The following PARD3B variants were observed in gnomAD, a reference collection of about 807,000 sequenced individuals.
The protein encoded by PARD3B is partitioning defective 3 homolog B.
Under a neutral mutation model 130.2 loss-of-function variants are expected in PARD3B, and 103 were observed. The observed-to-expected ratio is 0.79, with a 90% CI of 0.67 to 0.93. The LOEUF (loss-of-function observed/expected upper bound fraction) is 0.93, where lower values mean the gene tolerates loss of function less well. Among genes scored for constraint, PARD3B ranks in the 40% least tolerant of loss-of-function variants. The pLI is 0.00. For missense variants in PARD3B, 1,609 were observed against 1,499.2 expected, an observed-to-expected ratio of 1.07 and a Z score of -1.21; for synonymous variants, 583 against 553.2, an observed-to-expected ratio of 1.05 and a Z score of -0.76.
At chr2:204,934,867 C>A (rs1036379740) in intron 2 of PARD3B, among the ~76,000 whole-genome samples, 1 of 152,110 alleles carries the variant, frequency 6.6e-6, no homozygotes, top group African/African-American at 2.4e-5. Flanking sequence ...TCAAAGTTTT[C>A]CCATGATGTT....
intron 10 of PARD3B, among the ~76,000 whole-genome samples, chr2:205,136,787 A>G (rs758026058): frequency 1.3e-5 from 2 of 152,214 alleles, no homozygotes; most frequent in African/African-American, 4.8e-5. Flanking sequence ...GTTCTCTTCT[A>G]TGATAATCAA....
At chr2:205,261,334 A>G (rs901159806) in intron 16 of PARD3B, among the ~76,000 whole-genome samples, 3 of 150,014 alleles carry the variant, frequency 2.0e-5, no homozygotes, top group African/African-American at 7.3e-5. Flanking sequence ...ACTCTCCTAC[A>G]TTTCACTTTG....
chr2:204,732,007 A>G (rs1317667038), intron 2 of PARD3B, among the ~76,000 whole-genome samples: 1 of 152,008 alleles, frequency 6.6e-6, no homozygotes, highest in Non-Finnish European at 1.5e-5. Context: ...CTTAATTTGC[A>G]GTGAGGTTGT....
At chr2:205,438,912 G>A (rs2047614339) in intron 19 of PARD3B, among the ~76,000 whole-genome samples, 1 of 152,098 alleles carries the variant, frequency 6.6e-6, no homozygotes, top group Admixed American at 6.6e-5. Flanking sequence ...CTGGGGTTTT[G>A]TTTTGGTTTT....
In PARD3B at chr2:205,255,252, T is replaced by G. The variant is rs143669050; in HGVS notation, c.2185+9430T>G. ...GTCTCTAGGTTCTATTCTTTCACAC[T>G]TTCTTGCCTCAACTCACACTTCTGC... On this transcript the variant is annotated intron_variant, in intron 16 of 22. Transcript: ENST00000406610. 3.4e-3 allele frequency among the ~76,000 whole-genome samples: 524 copies of G among 152,236 alleles called. 4 individuals are homozygous for G. The highest frequency in any genetic ancestry group is 0.011 in the African/African-American group (477 of 41,544).
intron 3 of PARD3B, among the ~76,000 whole-genome samples, chr2:205,006,401 G>C (rs1695268223): frequency 6.6e-6 from 1 of 152,120 alleles, no homozygotes; most frequent in Non-Finnish European, 1.5e-5. Context: ...ATTTTCCATA[G>C]TTGTACTAAT....
Position 205,620,102 on chromosome 2 carries a change from T to C in PARD3B, c.*4289T>C, listed in dbSNP as rs2055550874. On this transcript the variant is annotated 3_prime_UTR_variant, in exon 23 of 23. Transcript: ENST00000406610. The stretch of plus-strand genomic sequence containing the variant: ...AAAACATTTTGGAAGTTGTTATATA[T>C]GAGTATATAAATTTTTCTTTTCATA... 6.6e-6 allele frequency: 1 copy of C among 152,102 alleles called. No individual in the cohort carries two copies. Among genetic ancestry groups the C allele is most frequent in the Non-Finnish European group, 1.5e-5 (1 of 68,020 alleles). 9.4% of individuals were successfully genotyped at this position (152,102 alleles called of 1,614,324 possible). A position where few individuals can be genotyped will look rare whatever the true frequency, so the allele number is the denominator to read the frequency against.
At chr2:204,565,467 CTATT>C (rs2031617152) in intron 1 of PARD3B, among the ~76,000 whole-genome samples, 1 of 152,088 alleles carries the variant, frequency 6.6e-6, no homozygotes, top group African/African-American at 2.4e-5. Context: ...CATTTGGAAA[CTATT>C]AGTTCACTGA....
chr2:205,342,368 A>T (rs1293367021), intron 18 of PARD3B, among the ~76,000 whole-genome samples: 1 of 152,212 alleles, frequency 6.6e-6, no homozygotes, highest in Non-Finnish European at 1.5e-5. Flanking sequence ...AGAGCAACAC[A>T]TCTTTAAAGA....
intron 18 of PARD3B, among the ~76,000 whole-genome samples, chr2:205,335,679 C>T (rs1391854176): frequency 2.0e-5 from 3 of 151,926 alleles, no homozygotes; most frequent in East Asian, 1.9e-4. Flanking sequence ...TACAGTTCTA[C>T]GTGGCTGGGG....
At chr2:204,911,128 C>G (rs758361299) in intron 2 of PARD3B, among the ~76,000 whole-genome samples, 1 of 152,008 alleles carries the variant, frequency 6.6e-6, no homozygotes, top group Non-Finnish European at 1.5e-5. Flanking sequence ...TTTCTAGCAC[C>G]AAGCACATAC....
At position 205,370,834 on chromosome 2, in the gene PARD3B, T is replaced by C. The variant is rs1379968751; in HGVS notation, c.2631-30179T>C. On this transcript the variant is annotated intron_variant, in intron 18 of 22. Transcript: ENST00000406610. ...AATCTGTTCATGGTAGAGTGGGTGG[T>C]AGGGTGATGTTTGCCTTGGCTTGAC... Among the ~76,000 whole-genome samples the C allele has an allele frequency of 2.6e-5, 4 of 152,024 alleles. 1 individual carries two copies. The highest frequency in any genetic ancestry group is 5.9e-5 in the Non-Finnish European group (4 of 68,016).
intron 2 of PARD3B, among the ~76,000 whole-genome samples, chr2:204,746,322 TA>T (rs2040227009): frequency 6.6e-6 from 1 of 152,080 alleles, no homozygotes. Context: ...CATCATTTTT[TA>T]TGGCTGCATA....
At chr2:204,766,899 A>G (rs544392308) in intron 2 of PARD3B, among the ~76,000 whole-genome samples, 1 of 150,168 alleles carries the variant, frequency 6.7e-6, no homozygotes, top group Admixed American at 6.6e-5. Context: ...AATTAATGGT[A>G]ATATTTCTGT....
At chr2:205,215,345 A>G (rs924270003) in intron 15 of PARD3B, among the ~76,000 whole-genome samples, 1 of 151,972 alleles carries the variant, frequency 6.6e-6, no homozygotes, top group Non-Finnish European at 1.5e-5. Flanking sequence ...CATTCTTAAA[A>G]TAGGATTAAG....
intron 1 of PARD3B, among the ~76,000 whole-genome samples, chr2:204,647,925 T>G (rs1270549971): frequency 1.3e-5 from 2 of 151,604 alleles, no homozygotes; most frequent in South Asian, 4.1e-4. Flanking sequence ...TACACATTAT[T>G]TTGCCTTATT....
chr2:204,818,450 C>G (rs1415271058), intron 2 of PARD3B, among the ~76,000 whole-genome samples: 1 of 152,092 alleles, frequency 6.6e-6, no homozygotes, highest in African/African-American at 2.4e-5. Context: ...TGATAGAGAT[C>G]TAGAATAAAG....
intron 20 of PARD3B, among the ~76,000 whole-genome samples, chr2:205,457,978 A>C (rs1187775558): frequency 6.6e-6 from 1 of 152,184 alleles, no homozygotes; most frequent in South Asian, 2.1e-4. Flanking sequence ...ATCCAAACAC[A>C]TCCAAAATCC....
intron 20 of PARD3B, among the ~76,000 whole-genome samples, chr2:205,487,925 A>T (rs941045203): frequency 2.0e-5 from 3 of 152,212 alleles, no homozygotes; most frequent in African/African-American, 7.2e-5. Context: ...AATTTGTTCA[A>T]GTACCATCTA....
Sources: allele counts gnomAD v4.1 joint callset (sites outside exome capture counted in the v4.1 genomes callset), GRCh38; gene constraint gnomAD v4.1.1; transcripts MANE v1.5; gene names NCBI Gene and HGNC (gene_info 2026-07-23, HGNC 2026-07-21).